The following YARS2 variants were observed in gnomAD, a reference collection of about 807,000 sequenced individuals.
The protein encoded by YARS2 is tyrosyl-tRNA synthetase 2.
Under a neutral mutation model 45.0 loss-of-function variants are expected in YARS2, and 38 were observed. The observed-to-expected ratio is 0.84, with a 90% CI of 0.65 to 1.11. The LOEUF (loss-of-function observed/expected upper bound fraction) is 1.11, where lower values mean the gene tolerates loss of function less well. Ranked by LOEUF, YARS2 falls within the 50% of genes least tolerant of loss-of-function variation. The probability of loss-of-function intolerance (pLI) is 0.00; values close to 1 mark genes in which losing one functional copy is unlikely to be tolerated. For missense variants in YARS2, 602 were observed against 599.8 expected (o/e 1.00, Z -0.04); for synonymous variants, 287 against 245.1 (o/e 1.17, Z -1.60).
Position 32,754,010 on chromosome 12 carries a change from A to G in YARS2, c.855T>C (p.Ser285=), listed in dbSNP as rs1371846927. The G allele has an allele frequency of 6.2e-7, 1 of 1,614,242 alleles. No homozygotes were observed. Residue 285 remains serine (S), a synonymous_variant, in exon 2 of 5, where the codon TCT becomes TCC. Coordinates refer to ENST00000324868, the MANE Select transcript of YARS2 (RefSeq NM_001040436.3). ...TGTTTAGCCAAACAGCGTTGCCAGC[A>G]GACTTTCCCAGCTTTGCTCCAGTTG... The part of the protein sequence containing the change: ...TSTTGAKLGK[S]AGNAVWLNRD...
At chr12:32,753,185 G>A (rs1022738442) in intron 2 of YARS2, among the ~76,000 whole-genome samples, 1 of 152,022 alleles carries the variant, frequency 6.6e-6, no homozygotes, top group Non-Finnish European at 1.5e-5. Context: ...GGGCATGGTG[G>A]TGTGCACCTG....
At chr12:32,753,786 T>C (rs1955792461) in intron 2 of YARS2, 132 bp downstream of exon 2, 1 of 1,183,564 alleles carries the variant, frequency 8.4e-7, no homozygotes, top group Non-Finnish European at 1.2e-6. Flanking sequence ...TCTTCTATGA[T>C]GTAATGGTTT....
intron 3 of YARS2, 109 bp from the exon 4 acceptor site, chr12:32,750,216 T>G: frequency 7.4e-7 from 1 of 1,352,678 alleles, no homozygotes; most frequent in Non-Finnish European, 1.0e-6. Context: ...AAAAGTTTTT[T>G]TTTGAGATGG....
At chr12:32,754,369 G>A (rs1955805287) in intron 1 of YARS2, among the ~76,000 whole-genome samples, 1 of 152,208 alleles carries the variant, frequency 6.6e-6, no homozygotes, top group African/African-American at 2.4e-5. Flanking sequence ...ACTGGGTGAA[G>A]GGGTGTCAGG....
intron 1 of YARS2, 106 bp downstream of exon 1, chr12:32,754,988 CAA>C: frequency 6.9e-7 from 1 of 1,444,618 alleles, no homozygotes; most frequent in African/African-American, 1.4e-5. Context: ...ATAAAACCAA[CAA>C]GAGCTGGAAC....
Position 32,755,892 on chromosome 12 carries a change from G to C in YARS2, c.-18C>G. The C allele has an allele frequency of 6.2e-7, 1 of 1,612,182 alleles. No individual in the cohort carries two copies. The highest frequency in any genetic ancestry group is 8.5e-7 in the Non-Finnish European group (1 of 1,179,890). ...GCCGCCATCTTGGTAGCGGCACGAA[G>C]GGAATGCTGGGATTGCAGAGGCTCC... is the stretch of plus-strand genomic sequence containing the variant. On this transcript the variant is annotated 5_prime_UTR_variant, in exon 1 of 5. Transcript: ENST00000324868.
chr12:32,750,940 A>G, intron 2 of YARS2, 66 bp from the exon 3 acceptor site: 1 of 1,575,588 alleles, frequency 6.3e-7, no homozygotes, highest in Non-Finnish European at 8.6e-7. Flanking sequence ...CAGCTCTTCT[A>G]CCCTTTAAGG....
At position 32,755,606 on chromosome 12, in the gene YARS2, C is replaced by T. The variant is rs1955833798; in HGVS notation, c.269G>A (p.Gly90Asp). The change falls in exon 1 of 5, where the codon GGT becomes GAT. Residue 90 changes from glycine to aspartate, a missense_variant. Physicochemically the swap from Gly to Asp is moderately conservative, Grantham distance 94 (BLOSUM62 -1). Coordinates refer to ENST00000324868, the MANE Select transcript of YARS2 (RefSeq NM_001040436.3). Reference sequence around the variant, plus strand: ...CAGGCCCAGCAGCGCAAGTAGATGACCCACATGAAGCGAGTCTGCCGTGGG... The same window carrying T: ...CAGGCCCAGCAGCGCAAGTAGATGATCCACATGAAGCGAGTCTGCCGTGGG... The part of the protein sequence containing the change: ...FDPTADSLHV[G>D]HLLALLGLFH... The T allele has an allele frequency of 6.2e-7, 1 of 1,613,928 alleles. No individual in the cohort carries two copies. Among genetic ancestry groups the T allele is most frequent in the Non-Finnish European group, 8.5e-7 (1 of 1,179,950 alleles).
intron 4 of YARS2, among the ~76,000 whole-genome samples, chr12:32,749,022 GATTA>G (rs1052317492): frequency 1.1e-4 from 17 of 152,240 alleles, no homozygotes; most frequent in East Asian, 7.7e-4. Context: ...CCTCATAACT[GATTA>G]ATTAAAATAT....
chr12:32,748,165 T>C (rs1955677704), intron 4 of YARS2, among the ~76,000 whole-genome samples: 1 of 152,132 alleles, frequency 6.6e-6, no homozygotes, highest in African/African-American at 2.4e-5. Flanking sequence ...TTTAAAGATA[T>C]TTTTATACCT....
chr12:32,747,403 C>T (rs764059011), intron 4 of YARS2, 40 bp from the exon 5 acceptor site: 2 of 1,598,274 alleles, frequency 1.3e-6, no homozygotes, highest in Non-Finnish European at 1.7e-6. Flanking sequence ...GAGATCCAAT[C>T]ACTGTTGATC....
Position 32,755,412 on chromosome 12 carries a change from G to C in YARS2, c.463C>G (p.His155Asp), listed in dbSNP as rs549162113. 1 of 1,613,722 alleles carries C rather than the reference G, an allele frequency of 6.2e-7. No individual in the cohort carries two copies. The highest frequency in any genetic ancestry group is 1.1e-5 in the South Asian group (1 of 91,088). ...CGCCCATCAGTGAAAAGCTGCTGGTGATTAGCCGCCAGGGCCTCAAGCCCT... is the reference window on the plus strand; with the variant it reads ...CGCCCATCAGTGAAAAGCTGCTGGTCATTAGCCGCCAGGGCCTCAAGCCCT... ...RLGLEALAAN[H>D]QQLFTDGRSW... The change falls in exon 1 of 5, where the codon CAC becomes GAC. Residue 155 changes from histidine to aspartate, a missense_variant. By Grantham distance (81) the His-to-Asp change is moderately conservative. Transcript: ENST00000324868.
Position 32,755,251 on chromosome 12 carries a change from G to C in YARS2, c.624C>G (p.Leu208=). The C allele has an allele frequency of 1.9e-6, 3 of 1,614,152 alleles. No individual in the cohort carries two copies. In the South Asian group the frequency reaches 3.3e-5, roughly 18 times the overall value. The change falls in exon 1 of 5, where the codon CTC becomes CTG. Residue 208 remains leucine, a synonymous_variant. Coordinates refer to ENST00000324868, the MANE Select transcript of YARS2 (RefSeq NM_001040436.3). ...CCAAGCTCATGCCCTCGGGGCTCTT[G>C]AGCCGCAGCTGCACGCTCTGCCGGC... ...LLSRQSVQLR[L]KSPEGMSLAE...
Position 32,755,752 on chromosome 12 carries a change from C to T in YARS2, c.123G>A (p.Ala41=). ...AHSGAQGLLA[A]QKARGLFKDF... Reference sequence around the variant, plus strand: ...CCTTGAACAGACCTCGAGCCTTCTGCGCTGCCAGTAACCCCTGAGCGCCCG... The same window carrying T: ...CCTTGAACAGACCTCGAGCCTTCTGTGCTGCCAGTAACCCCTGAGCGCCCG... Residue 41 remains alanine (A), a synonymous_variant, in exon 1 of 5, where the codon GCG becomes GCA. Coordinates refer to ENST00000324868, the MANE Select transcript of YARS2 (RefSeq NM_001040436.3). 6.2e-7 allele frequency: 1 copy of T among 1,613,940 alleles called. No individual in the cohort carries two copies. The highest frequency in any genetic ancestry group is 8.5e-7 in the Non-Finnish European group (1 of 1,180,004).
chr12:32,748,874 ACTC>A (rs1279446945), intron 4 of YARS2, among the ~76,000 whole-genome samples: 1 of 151,960 alleles, frequency 6.6e-6, no homozygotes, highest in Non-Finnish European at 1.5e-5. Flanking sequence ...TTCTGTGTGA[ACTC>A]CTGCAAAAGA....
In YARS2 at chr12:32,754,041, G is replaced by T; in HGVS notation, c.824C>A (p.Thr275Lys). ...DVFGITVPLI[T>K]STTGAKLGKS... is the part of the protein sequence containing the mutation. ...TCCCAGCTTTGCTCCAGTTGTACTT[G>T]TAATTAGAGGAACGGTGATTCCAAA... Residue 275 changes from threonine to lysine, a missense_variant, in exon 2 of 5, where the codon ACA (threonine) becomes AAA (lysine). Coordinates refer to ENST00000324868, the MANE Select transcript of YARS2 (RefSeq NM_001040436.3). The T allele has an allele frequency of 1.2e-6, 2 of 1,614,174 alleles. No individual in the cohort carries two copies. The highest frequency in any genetic ancestry group is 1.7e-6 in the Non-Finnish European group (2 of 1,180,038).
intron 4 of YARS2, among the ~76,000 whole-genome samples, chr12:32,748,465 TAAAA>T (rs533769964): frequency 6.7e-6 from 1 of 149,518 alleles, no homozygotes; most frequent in South Asian, 2.1e-4. Flanking sequence ...TATATAATAT[TAAAA>T]AAAAAAATCA....
chr12:32,755,672 C>T lies in YARS2; in HGVS notation c.203G>A (p.Gly68Asp). The T allele has an allele frequency of 3.1e-6, 5 of 1,614,240 alleles. No individual in the cohort carries two copies. Among genetic ancestry groups the T allele is most frequent in the Non-Finnish European group, 4.2e-6 (5 of 1,180,040 alleles). The change falls in exon 1 of 5, where the codon GGC (glycine) becomes GAC (aspartate). Residue 68 changes from glycine (G) to aspartate (D), a missense_variant. Transcript: ENST00000324868. Reference sequence around the variant, plus strand: ...AATGGTTTGGGGAAAACTCGCCGTGCCACGGTCGAAGAGCTCTGGGAGCTC... The same window carrying T: ...AATGGTTTGGGGAAAACTCGCCGTGTCACGGTCGAAGAGCTCTGGGAGCTC... ...KIELPELFDRGTASFPQTIYC... is the reference protein window; with the variant it reads ...KIELPELFDRDTASFPQTIYC...
At chr12:32,747,737 T>C (rs1205796045) in intron 4 of YARS2, among the ~76,000 whole-genome samples, 2 of 152,208 alleles carry the variant, frequency 1.3e-5, no homozygotes, top group African/African-American at 4.8e-5. Flanking sequence ...GGTTTCGCCA[T>C]GTTAGCCAGG....
Sources: allele counts gnomAD v4.1 joint callset (sites outside exome capture counted in the v4.1 genomes callset), GRCh38; gene constraint gnomAD v4.1.1; transcripts MANE v1.5; gene names NCBI Gene and HGNC (gene_info 2026-07-23, HGNC 2026-07-21).